The following PTPN11 variants were observed in gnomAD, a reference collection of about 807,000 sequenced individuals.
The protein encoded by PTPN11 is protein tyrosine phosphatase non-receptor type 11, also known as tyrosine-protein phosphatase non-receptor type 11.
Under a neutral mutation model 78.8 loss-of-function variants are expected in PTPN11, and 6 were observed. The observed-to-expected ratio is 0.08, with a 90% CI of 0.04 to 0.15. The LOEUF is 0.15. Ranked by LOEUF, PTPN11 falls within the 10% of genes least tolerant of loss-of-function variation. The pLI is 1.00. For synonymous variants in PTPN11, 221 were observed against 263.5 expected (o/e 0.84, Z 1.56); for missense variants, 386 against 744.8 (o/e 0.52, Z 5.61).
chr12:112,495,882 T>C (rs981640769), intron 13 of PTPN11, among the ~76,000 whole-genome samples: 1 of 152,138 alleles, frequency 6.6e-6, no homozygotes, highest in African/African-American at 2.4e-5. Flanking sequence ...TGCACCATCA[T>C]AAAATCAAAA....
At chr12:112,453,101 GT>G in intron 3 of PTPN11, 93 bp from the exon 4 acceptor site, 2 of 1,085,518 alleles carry the variant, frequency 1.8e-6, no homozygotes. Flanking sequence ...TTTTAATTGT[GT>G]TTAGGAGAGC....
At chr12:112,446,216 T>A in intron 1 of PTPN11, 60 bp from the exon 2 acceptor site, 1 of 1,603,480 alleles carries the variant, frequency 6.2e-7, no homozygotes, top group Non-Finnish European at 8.5e-7. Context: ...TGTGTTGTTG[T>A]GGAAAGTAGT....
At chr12:112,468,946 C>T (rs2038371457) in intron 6 of PTPN11, among the ~76,000 whole-genome samples, 1 of 152,042 alleles carries the variant, frequency 6.6e-6, no homozygotes, top group Non-Finnish European at 1.5e-5. Context: ...TGCCTGTAGT[C>T]CCAGCCACTC....
chr12:112,419,024 G>A lies in PTPN11; in HGVS notation c.-88G>A. ...CTGCCCCGCGTCCGGTCCCGAGCGG[G>A]CCTCCCTCGGGCCAGCCCGATGTGA... On this transcript the variant is annotated 5_prime_UTR_variant, in exon 1 of 16. Transcript: ENST00000351677. 9.9e-6 allele frequency: 15 copies of A among 1,507,832 alleles called. No individual in the cohort carries two copies. Among genetic ancestry groups the A allele is most frequent in the Non-Finnish European group, 1.3e-5 (15 of 1,123,458 alleles). The allele number at this position is 1,507,832 out of a possible 1,614,324, so 93.4% of individuals were successfully genotyped here. A position where few individuals can be genotyped will look rare whatever the true frequency, so the allele number is the denominator to read the frequency against.
At chr12:112,480,529 C>G (rs1230513772) in intron 9 of PTPN11, among the ~76,000 whole-genome samples, 2 of 140,748 alleles carry the variant, frequency 1.4e-5, no homozygotes, top group South Asian at 2.5e-4. Flanking sequence ...CTACACCTGG[C>G]TAATTTTTGT....
chr12:112,432,265 G>C (rs932518939), intron 1 of PTPN11, among the ~76,000 whole-genome samples: 7 of 152,182 alleles, frequency 4.6e-5, no homozygotes, highest in African/African-American at 1.4e-4. Flanking sequence ...ACCTTATTTT[G>C]AGGGTGGTTT....
intron 1 of PTPN11, among the ~76,000 whole-genome samples, chr12:112,438,122 A>G (rs973182613): frequency 1.3e-5 from 2 of 152,114 alleles, no homozygotes; most frequent in African/African-American, 4.8e-5. Context: ...TAGGCCTGCC[A>G]CTAGCTACCC....
intron 1 of PTPN11, 115 bp from the exon 2 acceptor site, chr12:112,446,161 T>G (rs2037991131): frequency 1.2e-5 from 16 of 1,347,096 alleles, no homozygotes; most frequent in Non-Finnish European, 1.6e-5. Context: ...AGGTCTTGAT[T>G]TGTATTTTCT....
At chr12:112,445,289 G>A (rs374182759) in intron 1 of PTPN11, among the ~76,000 whole-genome samples, 15 of 151,838 alleles carry the variant, frequency 9.9e-5, no homozygotes, top group Non-Finnish European at 1.9e-4. Context: ...CCACCACCAC[G>A]CCCACCTAAT....
intron 6 of PTPN11, among the ~76,000 whole-genome samples, chr12:112,459,908 T>TACACACACACACAC (rs56846748): frequency 2.0e-5 from 3 of 146,984 alleles, no homozygotes; most frequent in Non-Finnish European, 3.0e-5. Context: ...TCCTGATTGC[T>TACACACACACACAC]ACACACACAC....
At chr12:112,471,622 T>C (rs1050009678) in intron 6 of PTPN11, among the ~76,000 whole-genome samples, 3 of 151,964 alleles carry the variant, frequency 2.0e-5, no homozygotes, top group African/African-American at 4.8e-5. Context: ...ATTTTTCTTA[T>C]GAATATTCTA....
chr12:112,495,075 A>G (rs879682436), intron 13 of PTPN11, among the ~76,000 whole-genome samples: 4 of 152,166 alleles, frequency 2.6e-5, no homozygotes, highest in Non-Finnish European at 4.4e-5. Context: ...GTCGAGGAGC[A>G]TTATACATAT....
chr12:112,472,835 C>T (rs1182385913), intron 6 of PTPN11, 109 bp from the exon 7 acceptor site: 1 of 934,200 alleles, frequency 1.1e-6, no homozygotes, highest in Admixed American at 1.8e-5. Context: ...GCACACAATT[C>T]TGAACATTTC....
chr12:112,439,306 A>G (rs537645115), intron 1 of PTPN11, among the ~76,000 whole-genome samples: 38 of 151,980 alleles, frequency 2.5e-4, no homozygotes, highest in African/African-American at 8.9e-4. Flanking sequence ...ATTTTATTAT[A>G]TTTTTGAGAC....
chr12:112,430,960 G>T (rs189767853), intron 1 of PTPN11, among the ~76,000 whole-genome samples: 1 of 152,332 alleles, frequency 6.6e-6, no homozygotes, highest in East Asian at 1.9e-4. Flanking sequence ...CACCGATTGG[G>T]TGAGAAGAGA....
At chr12:112,488,747 G>T (rs1399347403) in intron 12 of PTPN11, among the ~76,000 whole-genome samples, 1 of 152,196 alleles carries the variant, frequency 6.6e-6, no homozygotes, top group African/African-American at 2.4e-5. Context: ...TGCATACACA[G>T]TGGTGGTCTC....
At chr12:112,490,658 G>C (rs2038734727) in intron 13 of PTPN11, among the ~76,000 whole-genome samples, 1 of 152,088 alleles carries the variant, frequency 6.6e-6, no homozygotes, top group Non-Finnish European at 1.5e-5. Context: ...TGTTGCCCAG[G>C]CTAGTCTTGA....
rs1403305619 is a variant in PTPN11 at position 112,482,553 on chromosome 12, G to T, written c.1224+348G>T. Among the ~76,000 whole-genome samples, 1 of 152,204 alleles carries T rather than the reference G, an allele frequency of 6.6e-6. No individual in the cohort carries two copies. The highest frequency in any genetic ancestry group is 1.5e-5 in the Non-Finnish European group (1 of 68,040). On this transcript the variant is annotated intron_variant, in intron 10 of 15. Transcript: ENST00000351677. This position sits in a 1 kb window ranked among gnomAD's most constrained non-coding sequence, Gnocchi z 4.4. ...AGTTCGAGACCAGCCCTGGGTGGGA[G>T]ACTGGGATAGGGTGACCTGAGTGGC...
At chr12:112,449,000 C>T (rs2038035933) in intron 2 of PTPN11, among the ~76,000 whole-genome samples, 1 of 151,772 alleles carries the variant, frequency 6.6e-6, no homozygotes. Context: ...GATTCTCCTG[C>T]CTCAGCCTCC....
Sources: gnomAD v4.1 joint callset for allele counts (sites outside exome capture counted in the v4.1 genomes callset) on GRCh38, gnomAD v4.1.1 for gene constraint, Gnocchi (gnomAD v3.1) non-coding constraint, MANE v1.5 for transcripts, NCBI Gene and HGNC (gene_info 2026-07-23, HGNC 2026-07-21) for gene names.